RBFOX3: variants seen among roughly 807,000 people sequenced by gnomAD.
RBFOX3 encodes the protein RNA binding protein fox-1 homolog 3.
Under a neutral mutation model 48.7 loss-of-function variants are expected in RBFOX3, and 17 were observed. The ratio of observed to expected loss-of-function variants is 0.35; its 90% confidence interval spans 0.24 to 0.52. The LOEUF (loss-of-function observed/expected upper bound fraction) is 0.52. RBFOX3 is among the 20% of genes least tolerant of loss of function. The pLI is 0.94. For missense variants in RBFOX3, 382 were observed against 497.5 expected (o/e 0.77, Z 2.21); for synonymous variants, 212 against 209.5 (o/e 1.01, Z -0.10).
rs1164233306 is a variant in RBFOX3, at chr17:79,471,588, G to GACATAAACAAGGAAGGCGCA, written c.-175+10846_-175+10865dup. Among the ~76,000 whole-genome samples, 11 of 152,168 alleles carry GACATAAACAAGGAAGGCGCA rather than the reference G, an allele frequency of 7.2e-5. No individual in the cohort carries two copies. Among genetic ancestry groups the GACATAAACAAGGAAGGCGCA allele is most frequent in the African/African-American group, 1.2e-4 (5 of 41,444 alleles). ...GAGCTTTCTCAGCTACAAAGAGCAC[G>GACATAAACAAGGAAGGCGCA]ACATAAACAAGGAAGGCGCACACAC... On this transcript the variant is annotated intron_variant, in intron 2 of 14. Coordinates refer to ENST00000693108, the MANE Select transcript of RBFOX3 (RefSeq NM_001350451.2). The surrounding 1 kb of genome is among the most constrained non-coding windows in gnomAD (Gnocchi z 4.0).
At chr17:79,541,938 G>C (rs2089757502) in intron 1 of RBFOX3, among the ~76,000 whole-genome samples, 1 of 152,092 alleles carries the variant, frequency 6.6e-6, no homozygotes, top group Admixed American at 6.5e-5. Context: ...GGCTCCTCCA[G>C]GGTCCCCACG....
chr17:79,115,364 A>T (rs773492556), intron 5 of RBFOX3, 130 bp downstream of exon 5: 1 of 504,564 alleles, frequency 2.0e-6, no homozygotes, highest in Non-Finnish European at 3.1e-6. Flanking sequence ...CCTGCCCTCC[A>T]CACACAGAGG....
At chr17:79,435,140 C>T (rs191228178) in intron 2 of RBFOX3, among the ~76,000 whole-genome samples, 24 of 152,238 alleles carry the variant, frequency 1.6e-4, no homozygotes, top group African/African-American at 4.8e-4. Flanking sequence ...CTGGTGCCAG[C>T]GTGTCTGCCC....
chr17:79,470,661 C>A (rs2076953369), intron 2 of RBFOX3, among the ~76,000 whole-genome samples: 2 of 150,524 alleles, frequency 1.3e-5, no homozygotes, highest in Non-Finnish European at 2.9e-5. Flanking sequence ...CACGCATGTG[C>A]CTCCTCTCAA....
In RBFOX3 at chr17:79,418,392, C is replaced by A. The variant is rs1248371861; in HGVS notation, c.-175+64062G>T. 3.9e-5 allele frequency among the ~76,000 whole-genome samples: 6 copies of A among 152,138 alleles called. No homozygotes were observed. Among genetic ancestry groups the A allele is most frequent in the African/African-American group, 1.4e-4 (6 of 41,430 alleles). On this transcript the variant is annotated intron_variant, in intron 2 of 14. Transcript: ENST00000693108. This position sits in a 1 kb window ranked among gnomAD's most constrained non-coding sequence, Gnocchi z 5.0. ...CCTACAGCAAAAGAAAGGTACCTGCCCCCAATTTTCCCTCCACTAGATAAT... is the reference window on the plus strand; with the variant it reads ...CCTACAGCAAAAGAAAGGTACCTGCACCCAATTTTCCCTCCACTAGATAAT...
At chr17:79,419,834 T>C (rs1039445339) in intron 2 of RBFOX3, among the ~76,000 whole-genome samples, 1 of 152,146 alleles carries the variant, frequency 6.6e-6, no homozygotes. Flanking sequence ...TGCTGTAAGA[T>C]GGTTAACAGG....
rs186450276 is a variant in RBFOX3, at chr17:79,414,475, C to T, written c.-175+67979G>A. Among the ~76,000 whole-genome samples, 122 of 152,322 alleles carry T rather than the reference C, an allele frequency of 8.0e-4. 1 individual carries two copies. The East Asian group carries it at 0.017, about 21-fold the overall frequency. On this transcript the variant is annotated intron_variant, in intron 2 of 14. Coordinates refer to ENST00000693108, the MANE Select transcript of RBFOX3 (RefSeq NM_001350451.2). ...CGTGTATTTCCATATGCAAATGCGG[C>T]GGGACGGTGCCCCGTGTGTCCAGGC...
At chr17:79,570,124 G>A (rs2092618102) in intron 1 of RBFOX3, among the ~76,000 whole-genome samples, 1 of 148,934 alleles carries the variant, frequency 6.7e-6, no homozygotes, top group African/African-American at 2.5e-5. Flanking sequence ...GATTATGGAT[G>A]GTAGATGGAT....
chr17:79,277,050 G>A (rs1185122381), intron 3 of RBFOX3, among the ~76,000 whole-genome samples: 1 of 152,206 alleles, frequency 6.6e-6, no homozygotes, highest in African/African-American at 2.4e-5. Context: ...AGGTGGTGGT[G>A]CCAGCTCCAC....
chr17:79,659,873 G>T, the RBFOX3 span, among the ~76,000 whole-genome samples: 1 of 151,876 alleles, frequency 6.6e-6, no homozygotes, highest in African/African-American at 2.4e-5. Flanking sequence ...CTCCCTAAAG[G>T]GAACCACTAT....
upstream of RBFOX3, among the ~76,000 whole-genome samples, chr17:79,615,497 A>G (rs1294687247): frequency 6.6e-6 from 1 of 152,116 alleles, no homozygotes; most frequent in Non-Finnish European, 1.5e-5. Context: ...GGGTGGTGGC[A>G]TGTCCAGCTG....
intron 2 of RBFOX3, among the ~76,000 whole-genome samples, chr17:79,470,414 C>T (rs1184281830): frequency 2.0e-5 from 3 of 152,210 alleles, no homozygotes; most frequent in Admixed American, 6.5e-5. Context: ...CAACAGCTCC[C>T]CCCGAGGCTA....
At position 79,342,639 on chromosome 17, in the gene RBFOX3, ACCT is replaced by A. The variant is rs532456313; in HGVS notation, c.-174-34818_-174-34816del. Among the ~76,000 whole-genome samples the A allele has an allele frequency of 1.9e-3, 295 of 152,338 alleles. 1 individual carries two copies. Among genetic ancestry groups the A allele is most frequent in the African/African-American group, 6.8e-3 (281 of 41,564 alleles). ...CCGTGCAGGTCAGAGTCGAAGGATG[ACCT>A]GGAGGAACTGCTGGAGAGGTTGATG... On this transcript the variant is annotated intron_variant, in intron 2 of 14. Transcript: ENST00000693108.
At position 79,090,960 on chromosome 17, in the gene RBFOX3, C is replaced by G. The variant is rs1055805368; in HGVS notation, c.1078-75G>C. 5.5e-6 allele frequency: 8 copies of G among 1,445,674 alleles called. No individual in the cohort carries two copies. The South Asian group carries it at 1.1e-4, about 19-fold the overall frequency. The allele number at this position is 1,445,674 out of a possible 1,614,324, so 89.6% of individuals were successfully genotyped here. On this transcript the variant is annotated intron_variant, in intron 14 of 14. Coordinates refer to ENST00000693108, the MANE Select transcript of RBFOX3 (RefSeq NM_001350451.2). ...AGCAGGTGTGAAGGCGACAGGACCA[C>G]GTGGCACGGGGCCCCTGGCCTAAAG...
At chr17:79,335,564 C>T (rs755963239) in intron 2 of RBFOX3, among the ~76,000 whole-genome samples, 6 of 152,188 alleles carry the variant, frequency 3.9e-5, no homozygotes, top group Non-Finnish European at 7.3e-5. Context: ...TCCCAGGCTA[C>T]ACTGGAGTGT....
At chr17:79,173,357 G>A (rs1413556484) in intron 4 of RBFOX3, among the ~76,000 whole-genome samples, 1 of 152,206 alleles carries the variant, frequency 6.6e-6, no homozygotes, top group African/African-American at 2.4e-5. Flanking sequence ...TTCTGGTGAT[G>A]GGGAACTTAC....
intron 4 of RBFOX3, chr17:79,233,798 G>T (rs1158527128): frequency 1.3e-5 from 2 of 152,122 alleles, no homozygotes; most frequent in African/African-American, 4.8e-5. Flanking sequence ...GTAGAGACGG[G>T]GTTTCACTAC....
the RBFOX3 span, among the ~76,000 whole-genome samples, chr17:79,620,319 A>G: frequency 3.3e-5 from 5 of 149,348 alleles, no homozygotes; most frequent in African/African-American, 1.2e-4. Context: ...ACAAATATGT[A>G]CATACACGCA....
chr17:79,551,451 T>C (rs1278633199), intron 1 of RBFOX3, among the ~76,000 whole-genome samples: 1 of 149,098 alleles, frequency 6.7e-6, no homozygotes, highest in Non-Finnish European at 1.5e-5. Context: ...GGATGCCTGG[T>C]TGAATAGGTA....
Sources: gnomAD v4.1 joint callset for allele counts (sites outside exome capture counted in the v4.1 genomes callset) on GRCh38, gnomAD v4.1.1 for gene constraint, Gnocchi (gnomAD v3.1) non-coding constraint, MANE v1.5 for transcripts, NCBI Gene and HGNC (gene_info 2026-07-23, HGNC 2026-07-21) for gene names.